The following GFRA1 variants were observed in gnomAD, a reference collection of about 807,000 sequenced individuals.
The protein encoded by GFRA1 is GDNF family receptor alpha-1.
Under a neutral mutation model 51.6 loss-of-function variants are expected in GFRA1, and 16 were observed. The observed-to-expected ratio is 0.31, with a 90% CI of 0.21 to 0.47. The LOEUF is 0.47. Ranked by LOEUF, GFRA1 falls within the 20% of genes least tolerant of loss-of-function variation. The pLI, the probability that GFRA1 is intolerant of heterozygous loss-of-function variation, is 1.00. For missense variants in GFRA1, 530 were observed against 594.3 expected (o/e 0.89, Z 1.13); for synonymous variants, 270 against 241.3 (o/e 1.12, Z -1.10).
At chr10:116,143,064 A>C (rs1213871656) in intron 5 of GFRA1, among the ~76,000 whole-genome samples, 4 of 152,186 alleles carry the variant, frequency 2.6e-5, no homozygotes, top group Non-Finnish European at 5.9e-5. Flanking sequence ...GGGAGCTTTA[A>C]TTGCTGCCAG....
intron 5 of GFRA1, among the ~76,000 whole-genome samples, chr10:116,144,596 G>A (rs1207216556): frequency 2.0e-5 from 3 of 151,882 alleles, no homozygotes; most frequent in Admixed American, 2.0e-4. Context: ...CTATCAGCTG[G>A]CAAAGAATGA....
At chr10:116,269,454 C>T (rs777421047) in intron 4 of GFRA1, 49 bp downstream of exon 4, 3 of 1,042,932 alleles carry the variant, frequency 2.9e-6, no homozygotes, top group Admixed American at 3.4e-5. Flanking sequence ...TGCAAGCCAA[C>T]GAATTCAAGC....
At chr10:116,257,750 A>G (rs1220956851) in intron 4 of GFRA1, among the ~76,000 whole-genome samples, 3 of 152,158 alleles carry the variant, frequency 2.0e-5, no homozygotes, top group African/African-American at 7.2e-5. Context: ...ATGCGATTCA[A>G]TCTAAAAATT....
At chr10:116,121,288 C>T (rs554924953) in intron 6 of GFRA1, among the ~76,000 whole-genome samples, 53 of 152,280 alleles carry the variant, frequency 3.5e-4, no homozygotes, top group African/African-American at 1.2e-3. Flanking sequence ...GCAGGGGAGG[C>T]ACTGCTTCGG....
chr10:116,162,667 T>C (rs889529559), intron 5 of GFRA1, among the ~76,000 whole-genome samples: 13 of 152,228 alleles, frequency 8.5e-5, no homozygotes, highest in African/African-American at 3.1e-4. Context: ...ACTAACAGGA[T>C]AGACTTTTTA....
At chr10:116,064,613 C>T in intron 10 of GFRA1, 69 bp from the exon 11 acceptor site, 1 of 1,425,054 alleles carries the variant, frequency 7.0e-7, no homozygotes, top group South Asian at 1.2e-5. Flanking sequence ...ACTTTACACT[C>T]TCTCTCCCCC....
rs11197518 is a variant in GFRA1 at position 116,061,697 on chromosome 10, T to A, written c.*2701A>T. On this transcript the variant is annotated 3_prime_UTR_variant, in exon 11 of 11. Transcript: ENST00000355422. Reference sequence around the variant, plus strand: ...CACCCAAACCTCAGCAGATAACCCCTGTCTTCAGTGGCACCCCAAATGCCC... The same window carrying A: ...CACCCAAACCTCAGCAGATAACCCCAGTCTTCAGTGGCACCCCAAATGCCC... 0.12 allele frequency: 34,179 copies of A among 284,570 alleles called. 3,847 individuals are homozygous for A. Among genetic ancestry groups the A allele is most frequent in the East Asian group, 0.51 (8,658 of 17,062 alleles). 17.6% of individuals were successfully genotyped at this position (284,570 alleles called of 1,614,324 possible). A position where few individuals can be genotyped will look rare whatever the true frequency, so the allele number is the denominator to read the frequency against.
intron 5 of GFRA1, among the ~76,000 whole-genome samples, chr10:116,179,855 T>C (rs541677220): frequency 1.3e-5 from 2 of 152,254 alleles, no homozygotes; most frequent in South Asian, 4.2e-4. Flanking sequence ...GCACGTTTTG[T>C]GCCTACAGAA....
chr10:116,269,736 T>C (rs1385472560), intron 3 of GFRA1, 150 bp from the exon 4 acceptor site: 5 of 673,048 alleles, frequency 7.4e-6, no homozygotes, highest in East Asian at 2.7e-5. Flanking sequence ...TCTTTCACTA[T>C]GGTTATTTCT....
intron 9 of GFRA1, among the ~76,000 whole-genome samples, chr10:116,077,463 T>C (rs1045985555): frequency 6.6e-6 from 1 of 152,198 alleles, no homozygotes; most frequent in Non-Finnish European, 1.5e-5. Flanking sequence ...TACACTCTCC[T>C]TCATTTGAAC....
chr10:116,096,696 T>C lies in GFRA1; in HGVS notation c.839A>G (p.Glu280Gly). 6.2e-7 allele frequency: 1 copy of C among 1,612,674 alleles called. No individual in the cohort carries two copies. The highest frequency in any genetic ancestry group is 8.5e-7 in the Non-Finnish European group (1 of 1,178,872). ...ESRSVSSCLKENYADCLLAYS... is the reference protein window; with the variant it reads ...ESRSVSSCLKGNYADCLLAYS... ...GGCGAGGAGGCAGTCAGCGTAGTTT[T>C]CCTTTAGACAGCTGCTGACAGACCT... The change falls in exon 7 of 11, where the codon GAA becomes GGA. Residue 280 changes from glutamate to glycine, a missense_variant. Glu to Gly is a moderately conservative substitution (Grantham distance 98). Coordinates refer to ENST00000355422, the MANE Select transcript of GFRA1 (RefSeq NM_005264.8).
chr10:116,196,847 A>T (rs10787636), intron 5 of GFRA1, among the ~76,000 whole-genome samples: 44,425 of 93,306 alleles, frequency 0.48, 8,018 homozygotes, highest in East Asian at 0.63. Context: ...ATATATATAT[A>T]TTTTTTTTCC....
chr10:116,137,578 C>T lies in GFRA1; in HGVS notation c.434-12021G>A, dbSNP rs190798626. On this transcript the variant is annotated intron_variant, in intron 5 of 10. Transcript: ENST00000355422. Reference sequence around the variant, plus strand: ...CAACCATCACTCATCTGCTACAGCTCAATTGTTTCTTCTGGAAAGATAAAC... The same window carrying T: ...CAACCATCACTCATCTGCTACAGCTTAATTGTTTCTTCTGGAAAGATAAAC... Among the ~76,000 whole-genome samples, 14 of 152,266 alleles carry T rather than the reference C, an allele frequency of 9.2e-5. No individual in the cohort carries two copies. The East Asian group carries it at 2.7e-3, about 29-fold the overall frequency.
intron 9 of GFRA1, among the ~76,000 whole-genome samples, chr10:116,089,370 T>G (rs1314851291): frequency 1.3e-5 from 2 of 152,170 alleles, no homozygotes; most frequent in Non-Finnish European, 2.9e-5. Flanking sequence ...TTCCTTTCAT[T>G]ATGCTGCTGC....
At chr10:116,252,569 G>A (rs1237344670) in intron 4 of GFRA1, among the ~76,000 whole-genome samples, 2 of 152,250 alleles carry the variant, frequency 1.3e-5, no homozygotes, top group East Asian at 1.9e-4. Context: ...GGTGGCATGT[G>A]CAAAGATACT....
At chr10:116,135,852 G>A (rs1161489281) in intron 5 of GFRA1, among the ~76,000 whole-genome samples, 2 of 152,096 alleles carry the variant, frequency 1.3e-5, no homozygotes, top group African/African-American at 2.4e-5. Flanking sequence ...TCTAAGACAG[G>A]CCATTTTTAA....
intron 9 of GFRA1, among the ~76,000 whole-genome samples, chr10:116,084,761 AACACACACACACACACACACAC>A (rs5788130): frequency 2.3e-4 from 32 of 140,174 alleles, no homozygotes; most frequent in Middle Eastern, 3.6e-3. Flanking sequence ...TTAAATAAGT[AACACACACACACACACACACAC>A]ACACACACAC....
chr10:116,169,038 G>A (rs1311034256), intron 5 of GFRA1, among the ~76,000 whole-genome samples: 1 of 152,158 alleles, frequency 6.6e-6, no homozygotes, highest in African/African-American at 2.4e-5. Context: ...CAAGGGCAGT[G>A]GGCTGGGCCC....
chr10:116,153,581 T>C (rs4311979), intron 5 of GFRA1, among the ~76,000 whole-genome samples: 152,181 of 152,338 alleles, frequency 1, 76,012 homozygotes, highest in Middle Eastern at 1. Flanking sequence ...TATTTGAGAA[T>C]CCTTTAAAAA....
Sources: gnomAD v4.1 joint callset for allele counts (sites outside exome capture counted in the v4.1 genomes callset) on GRCh38, gnomAD v4.1.1 for gene constraint, MANE v1.5 for transcripts, NCBI Gene and HGNC (gene_info 2026-07-23, HGNC 2026-07-21) for gene names.